Variants in TIPARP observed in about 807,000 individuals in gnomAD.
TIPARP encodes TCDD inducible poly(ADP-ribose) polymerase.
Under a neutral mutation model 56.5 loss-of-function variants are expected in TIPARP, and 12 were observed. The ratio of observed to expected loss-of-function variants is 0.21; its 90% CI spans 0.14 to 0.34. The LOEUF is 0.34. Among genes scored for constraint, TIPARP ranks in the 10% least tolerant of loss-of-function variants. The pLI, the probability that TIPARP is intolerant of heterozygous loss-of-function variation, is 1.00. For missense variants in TIPARP, 604 were observed against 781.6 expected (o/e 0.77, Z 2.71); for synonymous variants, 296 against 265.7 (o/e 1.11, Z -1.11).
intron 4 of TIPARP, among the ~76,000 whole-genome samples, chr3:156,699,436 A>C (rs1577041745): frequency 6.6e-6 from 1 of 152,088 alleles, no homozygotes; most frequent in African/African-American, 2.4e-5. Flanking sequence ...TCAAGGCAAA[A>C]CCCTCCCACC....
chr3:156,702,270 C>G (rs1254015446), intron 4 of TIPARP, among the ~76,000 whole-genome samples: 2 of 152,166 alleles, frequency 1.3e-5, no homozygotes, highest in East Asian at 1.9e-4. Context: ...TCGCTCTTTG[C>G]TAGCTATACT....
At chr3:156,693,754 G>C (rs1222522463) in intron 2 of TIPARP, among the ~76,000 whole-genome samples, 1 of 152,170 alleles carries the variant, frequency 6.6e-6, no homozygotes, top group East Asian at 1.9e-4. Context: ...GATTGGGTTA[G>C]GCCAGTGGTG....
intron 4 of TIPARP, among the ~76,000 whole-genome samples, chr3:156,701,737 A>T (rs1722848193): frequency 6.6e-6 from 1 of 152,220 alleles, no homozygotes; most frequent in Non-Finnish European, 1.5e-5. Context: ...GGGCTCTGAG[A>T]AAATGCTACA....
rs3796171 is a variant in TIPARP, at chr3:156,696,408, G to A, written c.1247+383G>A. Among the ~76,000 whole-genome samples, 18 of 152,326 alleles carry A rather than the reference G, an allele frequency of 1.2e-4. No homozygotes were observed. In the East Asian group the frequency reaches 3.3e-3, roughly 28 times the overall value. On this transcript the variant is annotated intron_variant, in intron 4 of 5. Transcript: ENST00000295924. Reference sequence around the variant, plus strand: ...ACTTAGCCAAACTGCCGGGGCAAGTGAGGAGAGTCCTACAAGGTGATTTCT... The same window carrying A: ...ACTTAGCCAAACTGCCGGGGCAAGTAAGGAGAGTCCTACAAGGTGATTTCT...
At chr3:156,681,758 C>T (rs1486591085) in intron 2 of TIPARP, among the ~76,000 whole-genome samples, 1 of 152,104 alleles carries the variant, frequency 6.6e-6, no homozygotes, top group African/African-American at 2.4e-5. Flanking sequence ...ACTTTGCTTT[C>T]TCATTTTGCT....
At chr3:156,676,077 T>A (rs942906376) in intron 1 of TIPARP, among the ~76,000 whole-genome samples, 1 of 152,070 alleles carries the variant, frequency 6.6e-6, no homozygotes, top group Non-Finnish European at 1.5e-5. Flanking sequence ...GGTTAGAGAG[T>A]GTGCGCGTGG....
chr3:156,688,149 AAGGCTG>A (rs1162283231), intron 2 of TIPARP, among the ~76,000 whole-genome samples: 1 of 151,986 alleles, frequency 6.6e-6, no homozygotes, highest in African/African-American at 2.4e-5. Context: ...AGCTTTTTGG[AAGGCTG>A]AGGCAGAAGA....
At chr3:156,698,700 G>A (rs1455595396) in intron 4 of TIPARP, among the ~76,000 whole-genome samples, 2 of 152,194 alleles carry the variant, frequency 1.3e-5, no homozygotes, top group African/African-American at 2.4e-5. Context: ...TTTCATGCCT[G>A]CTATACAACA....
chr3:156,690,998 A>C (rs949485732), intron 2 of TIPARP, among the ~76,000 whole-genome samples: 1 of 152,136 alleles, frequency 6.6e-6, no homozygotes, highest in African/African-American at 2.4e-5. Context: ...CCTGGACTTA[A>C]ACGTCCACAG....
intron 4 of TIPARP, 149 bp from the exon 5 acceptor site, chr3:156,703,275 A>T: frequency 3.5e-6 from 3 of 850,768 alleles, no homozygotes; most frequent in South Asian, 2.1e-5. Context: ...CTTTTTTTTT[A>T]ATTAAATAGA....
At chr3:156,694,479 C>T (rs1405173085) in intron 3 of TIPARP, among the ~76,000 whole-genome samples, 1 of 152,180 alleles carries the variant, frequency 6.6e-6, no homozygotes, top group South Asian at 2.1e-4. Context: ...GACCTGTTGC[C>T]GCCTGTGGAG....
chr3:156,693,274 T>C (rs916247941), intron 2 of TIPARP, among the ~76,000 whole-genome samples: 1 of 152,194 alleles, frequency 6.6e-6, no homozygotes, highest in Non-Finnish European at 1.5e-5. Flanking sequence ...CAAATGTTTT[T>C]ATTGGACTAC....
intron 4 of TIPARP, among the ~76,000 whole-genome samples, chr3:156,698,964 T>G (rs966232357): frequency 6.6e-5 from 10 of 152,140 alleles, no homozygotes; most frequent in Admixed American, 2.0e-4. Context: ...ACATGGATGA[T>G]TTTGAAGGGT....
rs900988206 is a variant in TIPARP, at chr3:156,674,706, G to C, written c.-132G>C. Reference sequence around the variant, plus strand: ...CCGCGTCGCGGCTCTGTGGTCCCTAGACGTCGGCTCCCGCCCTCGGCGCTG... The same window carrying C: ...CCGCGTCGCGGCTCTGTGGTCCCTACACGTCGGCTCCCGCCCTCGGCGCTG... On this transcript the variant is annotated 5_prime_UTR_variant, in exon 1 of 6. An upstream open reading frame in the 5' UTR loses its in-frame stop. Coordinates refer to ENST00000295924, the MANE Select transcript of TIPARP (RefSeq NM_015508.5). 1.3e-5 allele frequency: 2 copies of C among 152,538 alleles called. No individual in the cohort carries two copies. Among genetic ancestry groups the C allele is most frequent in the African/African-American group, 4.8e-5 (2 of 41,466 alleles). 9.4% of individuals were successfully genotyped at this position (152,538 alleles called of 1,614,324 possible).
chr3:156,689,054 TACAG>T (rs1722503586), intron 2 of TIPARP, among the ~76,000 whole-genome samples: 2 of 152,204 alleles, frequency 1.3e-5, no homozygotes, highest in Non-Finnish European at 2.9e-5. Flanking sequence ...AGTTAGCTCT[TACAG>T]GCAGGAAGCC....
intron 4 of TIPARP, among the ~76,000 whole-genome samples, chr3:156,703,105 G>A (rs1002470710): frequency 6.6e-6 from 1 of 152,138 alleles, no homozygotes; most frequent in African/African-American, 2.4e-5. Flanking sequence ...TTAGCTATAG[G>A]TAATAAAGAG....
At chr3:156,696,374 T>C (rs1722715059) in intron 4 of TIPARP, among the ~76,000 whole-genome samples, 1 of 152,168 alleles carries the variant, frequency 6.6e-6, no homozygotes, top group South Asian at 2.1e-4. Context: ...CCTTCTATGT[T>C]ACAGGACAAC....
Position 156,678,198 on chromosome 3 carries a change from T to C in TIPARP, c.501T>C (p.Val167=). 6.2e-7 allele frequency: 1 copy of C among 1,614,112 alleles called. No homozygotes were observed. The highest frequency in any genetic ancestry group is 8.5e-7 in the Non-Finnish European group (1 of 1,180,030). ...AHFQTDLLHP[V]SSDVPTSPDC... ...TCCAGACTGATCTTTTGCACCCAGT[T>C]TCAAGTGATGTTCCTACTAGTCCTG... The change falls in exon 2 of 6, where the codon GTT becomes GTC. Residue 167 remains valine, a synonymous_variant. Transcript: ENST00000295924.
chr3:156,702,069 GTGGTTGTGGTGGTGGTGGTGGTGGTGA>G, intron 4 of TIPARP, among the ~76,000 whole-genome samples: 1 of 117,454 alleles, frequency 8.5e-6, no homozygotes, highest in Non-Finnish European at 1.9e-5. Flanking sequence ...GGTGGTGGTG[GTGGTTGTGGTGGTGGTGGTGGTGGTGA>G]TGGTGGTGTC....
Sources: gnomAD v4.1 joint callset for allele counts (sites outside exome capture counted in the v4.1 genomes callset) on GRCh38, gnomAD v4.1.1 for gene constraint, MANE v1.5 for transcripts, NCBI Gene and HGNC (gene_info 2026-07-23, HGNC 2026-07-21) for gene names.